PKIB: variants seen among roughly 807,000 people sequenced by gnomAD.
PKIB encodes PKI-beta.
A neutral mutation model predicts 4.5 loss-of-function variants in PKIB; 2 were observed. The observed-to-expected ratio is 0.44, with a 90% CI of 0.18 to 1.39. PKIB has a LOEUF of 1.39. PKIB is among the 40% of genes most tolerant of loss of function. The probability of loss-of-function intolerance (pLI) is 0.27; values close to 1 mark genes in which losing one functional copy is unlikely to be tolerated. For synonymous variants in PKIB, 38 were observed against 36.0 expected (o/e 1.06, Z -0.20); for missense variants, 94 against 92.6 (o/e 1.02, Z -0.06).
intron 1 of PKIB, among the ~76,000 whole-genome samples, chr6:122,624,770 G>C (rs979541624): frequency 2.6e-5 from 4 of 152,158 alleles, no homozygotes; most frequent in African/African-American, 9.7e-5. Context: ...TTAGCTGTGT[G>C]ATCTTAGGGA....
intron 1 of PKIB, among the ~76,000 whole-genome samples, chr6:122,611,041 C>A (rs1209552488): frequency 1.3e-5 from 2 of 152,250 alleles, no homozygotes; most frequent in Non-Finnish European, 2.9e-5. Context: ...GGCCTCCGTC[C>A]ATTCTTTGGA....
At chr6:122,674,799 G>C (rs987908940) in intron 2 of PKIB, among the ~76,000 whole-genome samples, 1 of 151,872 alleles carries the variant, frequency 6.6e-6, no homozygotes, top group Admixed American at 6.6e-5. Flanking sequence ...TCTCAACCTG[G>C]CAATGATCCT....
At chr6:122,691,211 T>C (rs1276873316) in intron 3 of PKIB, among the ~76,000 whole-genome samples, 2 of 152,114 alleles carry the variant, frequency 1.3e-5, no homozygotes, top group Non-Finnish European at 2.9e-5. Context: ...CTTCCTGTAC[T>C]TAGATATTGA....
chr6:122,635,623 T>C (rs559576464), intron 2 of PKIB, among the ~76,000 whole-genome samples: 2 of 149,946 alleles, frequency 1.3e-5, no homozygotes, highest in African/African-American at 4.9e-5. Context: ...AGCTAAATAA[T>C]GTAGACATCA....
chr6:122,529,727 T>G (rs1777199382), intron 2 of PKIB, among the ~76,000 whole-genome samples: 1 of 152,122 alleles, frequency 6.6e-6, no homozygotes, highest in Non-Finnish European at 1.5e-5. Context: ...GATAGTTTTG[T>G]TTTCCTTTCT....
intron 2 of PKIB, among the ~76,000 whole-genome samples, chr6:122,673,255 C>T (rs1452150642): frequency 6.6e-6 from 1 of 151,950 alleles, no homozygotes; most frequent in East Asian, 1.9e-4. Flanking sequence ...GCAATGTTTA[C>T]TTTTATCTAA....
In PKIB at chr6:122,691,757, T is replaced by A. The variant is rs111279160; in HGVS notation, c.-9+16613T>A. Among the ~76,000 whole-genome samples, 198 of 152,230 alleles carry A rather than the reference T, an allele frequency of 1.3e-3. 1 individual carries two copies. Among genetic ancestry groups the A allele is most frequent in the African/African-American group, 4.6e-3 (189 of 41,514 alleles). ...TGAATGTTTTTGATGCTTGTGGATG[T>A]TCATTGGTGTTTGGGCCTTGAAGAG... On this transcript the variant is annotated intron_variant, in intron 3 of 4. Transcript: ENST00000368452.
intron 2 of PKIB, among the ~76,000 whole-genome samples, chr6:122,557,678 A>G (rs1772886999): frequency 6.6e-6 from 1 of 152,168 alleles, no homozygotes; most frequent in Non-Finnish European, 1.5e-5. Context: ...CTGTAAATCG[A>G]CAGAAGCCAT....
In PKIB at chr6:122,658,857, A is replaced by G. The variant is rs528221766; in HGVS notation, c.-75-16221A>G. Among the ~76,000 whole-genome samples, 3 of 149,722 alleles carry G rather than the reference A, an allele frequency of 2.0e-5. 1 individual carries two copies. The highest frequency in any genetic ancestry group is 4.4e-5 in the Non-Finnish European group (3 of 67,782). On this transcript the variant is annotated intron_variant, in intron 2 of 4. Coordinates refer to ENST00000368452, the MANE Select transcript of PKIB (RefSeq NM_181795.3). Reference sequence around the variant, plus strand: ...TCATTTGTTAAGCATTCATTTGACAAATTTTTTATTGAGTACCTACTTACC... The same window carrying G: ...TCATTTGTTAAGCATTCATTTGACAGATTTTTTATTGAGTACCTACTTACC...
intron 2 of PKIB, among the ~76,000 whole-genome samples, chr6:122,658,984 C>T (rs1255474264): frequency 6.6e-6 from 1 of 151,578 alleles, no homozygotes; most frequent in African/African-American, 2.4e-5. Context: ...AAACAGTAAG[C>T]TTGAATTATA....
intron 2 of PKIB, among the ~76,000 whole-genome samples, chr6:122,646,212 AT>A (rs913766900): frequency 1.3e-5 from 2 of 152,206 alleles, no homozygotes; most frequent in Non-Finnish European, 2.9e-5. Context: ...AGAGAAAATT[AT>A]GTGGAAGTTG....
intron 3 of PKIB, among the ~76,000 whole-genome samples, chr6:122,586,918 TG>T (rs1216823179): frequency 6.6e-6 from 1 of 152,162 alleles, no homozygotes; most frequent in African/African-American, 2.4e-5. Flanking sequence ...TGCCTCCACC[TG>T]GGTGGGGTGG....
intron 2 of PKIB, among the ~76,000 whole-genome samples, chr6:122,548,676 A>G (rs1407463364): frequency 1.3e-5 from 2 of 152,190 alleles, no homozygotes; most frequent in East Asian, 3.9e-4. Context: ...CACAATGACT[A>G]AATGGGCAGA....
chr6:122,496,061 C>T lies in PKIB; in HGVS notation c.-248+18122C>T, dbSNP rs143801304. Among the ~76,000 whole-genome samples, 1,250 of 152,234 alleles carry T rather than the reference C, an allele frequency of 8.2e-3. 20 individuals are homozygous for T. The highest frequency in any genetic ancestry group is 0.027 in the African/African-American group (1,132 of 41,534). On this transcript the variant is annotated intron_variant, in intron 2 of 6. Coordinates refer to the PKIB transcript ENST00000392491. ...AACCCCCATGAAAAGCTCAGGGCAC[C>T]AGGTACTTCACTGTCCAGTCCTTCA...
In PKIB at chr6:122,598,105, G is replaced by A. The variant is rs531768229; in HGVS notation, c.-161+12098G>A. On this transcript the variant is annotated intron_variant, in intron 3 of 6. Coordinates refer to the PKIB transcript ENST00000392491. ...TGCATAAATTGTTGGCAATGTAGTG[G>A]AGTCCTTCCTCAAGGGCACCCAGCC... Among the ~76,000 whole-genome samples the A allele has an allele frequency of 6.6e-5, 10 of 152,276 alleles. No individual in the cohort carries two copies. The East Asian group carries it at 1.9e-3, about 29-fold the overall frequency.
intron 2 of PKIB, among the ~76,000 whole-genome samples, chr6:122,642,183 T>C (rs1776146444): frequency 6.6e-6 from 1 of 152,268 alleles, no homozygotes; most frequent in African/African-American, 2.4e-5. Context: ...AGCAGAGCTC[T>C]TTGAACCTCT....
At chr6:122,711,571 A>G (rs1354102948) in intron 3 of PKIB, among the ~76,000 whole-genome samples, 2 of 152,194 alleles carry the variant, frequency 1.3e-5, no homozygotes, top group Non-Finnish European at 2.9e-5. Flanking sequence ...AAGTCTTTCT[A>G]GTATGAAACT....
At chr6:122,501,095 C>T (rs776668514) in intron 2 of PKIB, among the ~76,000 whole-genome samples, 1 of 152,168 alleles carries the variant, frequency 6.6e-6, no homozygotes, top group Non-Finnish European at 1.5e-5. Flanking sequence ...CTGCCCCCAG[C>T]TTCTCCCACA....
At chr6:122,571,788 G>T (rs1337416430) in intron 2 of PKIB, among the ~76,000 whole-genome samples, 1 of 152,078 alleles carries the variant, frequency 6.6e-6, no homozygotes, top group Non-Finnish European at 1.5e-5. Flanking sequence ...CCTCCTTAAA[G>T]CATAAATCTC....
Sources: allele counts gnomAD v4.1 joint callset (sites outside exome capture counted in the v4.1 genomes callset), GRCh38; gene constraint gnomAD v4.1.1; transcripts MANE v1.5; gene names NCBI Gene and HGNC (gene_info 2026-07-23, HGNC 2026-07-21).